Variants in PPP4R3A observed in about 807,000 individuals in gnomAD.
PPP4R3A encodes the protein protein phosphatase 4 regulatory subunit 3A.
In PPP4R3A, 15 loss-of-function variants were observed where a neutral mutation model predicts 91.7. The ratio of observed to expected loss-of-function variants is 0.16; its 90% confidence interval spans 0.11 to 0.25. The LOEUF (loss-of-function observed/expected upper bound fraction) is 0.25. Among genes scored for constraint, PPP4R3A ranks in the 10% least tolerant of loss-of-function variants. PPP4R3A has a pLI of 1.00. For synonymous variants in PPP4R3A, 377 were observed against 348.7 expected (o/e 1.08, Z -0.91); for missense variants, 623 against 998.4 (o/e 0.62, Z 5.07).
chr14:91,493,320 A>G (rs1468119106), intron 1 of PPP4R3A, among the ~76,000 whole-genome samples: 1 of 150,632 alleles, frequency 6.6e-6, no homozygotes, highest in Non-Finnish European at 1.5e-5. Flanking sequence ...CTCAAAAAAA[A>G]AAAAGAAAAA....
intron 1 of PPP4R3A, among the ~76,000 whole-genome samples, chr14:91,494,369 C>G (rs545485034): frequency 6.6e-6 from 1 of 152,010 alleles, no homozygotes; most frequent in Admixed American, 6.6e-5. Context: ...AAAAGAAAGC[C>G]CACAGAATGA....
At chr14:91,480,276 C>G (rs1377521787) in intron 4 of PPP4R3A, among the ~76,000 whole-genome samples, 2 of 152,158 alleles carry the variant, frequency 1.3e-5, no homozygotes, top group African/African-American at 4.8e-5. Context: ...GACAACTTTA[C>G]AGGGTAGGCA....
chr14:91,476,763 C>T (rs1567151967), intron 5 of PPP4R3A, 146 bp downstream of exon 5: 21 of 699,198 alleles, frequency 3.0e-5, no homozygotes, highest in South Asian at 1.4e-4. Context: ...GATGGGGTTT[C>T]GCCATGTTCG....
chr14:91,488,904 C>T (rs941791026), intron 2 of PPP4R3A, among the ~76,000 whole-genome samples: 1 of 123,252 alleles, frequency 8.1e-6, no homozygotes, highest in Non-Finnish European at 1.6e-5. Flanking sequence ...AATATAGATA[C>T]CACTTTTTTT....
At chr14:91,461,721 G>A (rs1888173863) in intron 13 of PPP4R3A, 114 bp from the exon 14 acceptor site, 1 of 1,072,526 alleles carries the variant, frequency 9.3e-7, no homozygotes, top group East Asian at 2.5e-5. Context: ...TAGAAACATT[G>A]AAGTTCAATT....
rs1888241769 is a variant in PPP4R3A at position 91,462,817 on chromosome 14, C to T, written c.1891G>A (p.Val631Ile). 2 of 1,610,740 alleles carry T rather than the reference C, an allele frequency of 1.2e-6. No individual in the cohort carries two copies. Among genetic ancestry groups the T allele is most frequent in the Admixed American group, 1.7e-5 (1 of 59,994 alleles). The change falls in exon 12 of 15, where the codon GTA becomes ATA. Residue 631 changes from valine to isoleucine, a missense_variant. Around this residue, in one of 5 missense-constraint regions of PPP4R3A, gnomAD observed 87 missense variants for 233.9 expected, o/e 0.37. Transcript: ENST00000554943. The stretch of plus-strand genomic sequence containing the variant: ...CCTTTAAATGTCTGTACATAATCTA[C>T]ATCTTCCAGTGCTTTCCAGTAATTT... ...IENYWKALEDVDYVQTFKGLK... is the reference protein window; with the variant it reads ...IENYWKALEDIDYVQTFKGLK...
Position 91,490,807 on chromosome 14 carries a change from G to A in PPP4R3A, c.143-5C>T. 7 of 1,601,296 alleles carry A rather than the reference G, an allele frequency of 4.4e-6. No homozygotes were observed. Among genetic ancestry groups the A allele is most frequent in the Non-Finnish European group, 5.1e-6 (6 of 1,174,592 alleles). On this transcript the variant is annotated splice_polypyrimidine_tract_variant and splice_region_variant and intron_variant, in intron 1 of 14. Coordinates refer to ENST00000554943, the MANE Select transcript of PPP4R3A (RefSeq NM_001366432.2). The stretch of plus-strand genomic sequence containing the variant: ...TCGACTCTAAAAGTAGAGAACCTAG[G>A]AAACAGAAAAAGACATTCCATTATG...
At chr14:91,499,496 G>A (rs780731460) in intron 1 of PPP4R3A, among the ~76,000 whole-genome samples, 1 of 152,048 alleles carries the variant, frequency 6.6e-6, no homozygotes, top group Non-Finnish European at 1.5e-5. Context: ...GGAAAACAAT[G>A]TCAAAAGGAG....
rs141399759 is a variant in PPP4R3A, at chr14:91,509,545, G to A, written c.103C>T (p.Leu35=). The A allele has an allele frequency of 1.3e-5, 20 of 1,599,498 alleles. No homozygotes were observed. The African/African-American group carries it at 2.4e-4, about 19-fold the overall frequency. ...CTGACAAGCAGGGACATGCCCTTCA[G>A]CCGCTCCACGTAGCCAGACGACACA... ...GHVSSGYVER[L]KGMSLLVRAE... The change falls in exon 1 of 15, where the codon CTG becomes TTG. Residue 35 remains leucine, a synonymous_variant. Coordinates refer to ENST00000554943, the MANE Select transcript of PPP4R3A (RefSeq NM_001366432.2).
At chr14:91,502,650 G>A (rs1433946226) in intron 1 of PPP4R3A, among the ~76,000 whole-genome samples, 1 of 152,194 alleles carries the variant, frequency 6.6e-6, no homozygotes, top group Non-Finnish European at 1.5e-5. Flanking sequence ...TGAACATGGA[G>A]TTCTATCAAG....
chr14:91,495,324 G>GTGTGTGTGTGTC (rs1567161629), intron 1 of PPP4R3A, among the ~76,000 whole-genome samples: 1 of 149,614 alleles, frequency 6.7e-6, no homozygotes, highest in Non-Finnish European at 1.5e-5. Flanking sequence ...GTGTGTGTGT[G>GTGTGTGTGTGTC]TATGTTTTTT....
chr14:91,485,591 A>G, intron 3 of PPP4R3A, 41 bp downstream of exon 3: 1 of 1,425,426 alleles, frequency 7.0e-7, no homozygotes. Context: ...AAAACTAAAC[A>G]CTTAAAGAAA....
rs1269149154 is a variant in PPP4R3A at position 91,462,240 on chromosome 14, C to A, written c.1974-1G>T. On this transcript the variant is annotated splice_acceptor_variant, in intron 12 of 14. Coordinates refer to ENST00000554943, the MANE Select transcript of PPP4R3A (RefSeq NM_001366432.2). LOFTEE classifies it high-confidence loss of function. Reference sequence around the variant, plus strand: ...GTGATTCCTCAAAATGGAACGCATACTATGAGTAGGGAAGAAAGAGTAAAT... The same window carrying A: ...GTGATTCCTCAAAATGGAACGCATAATATGAGTAGGGAAGAAAGAGTAAAT... 1.3e-6 allele frequency: 2 copies of A among 1,577,130 alleles called. No homozygotes were observed. Among genetic ancestry groups the A allele is most frequent in the Non-Finnish European group, 1.7e-6 (2 of 1,166,638 alleles).
chr14:91,490,279 TAC>T (rs571552770), intron 2 of PPP4R3A, among the ~76,000 whole-genome samples: 2 of 152,246 alleles, frequency 1.3e-5, no homozygotes, highest in Non-Finnish European at 2.9e-5. Context: ...TACTGTGAAG[TAC>T]AGTTACCTTC....
chr14:91,502,196 C>A (rs1192816568), intron 1 of PPP4R3A, among the ~76,000 whole-genome samples: 1 of 152,054 alleles, frequency 6.6e-6, no homozygotes, highest in Non-Finnish European at 1.5e-5. Flanking sequence ...GAGGTAGGAG[C>A]ATTGCTTGAG....
chr14:91,507,508 A>G (rs1333719788), intron 1 of PPP4R3A, among the ~76,000 whole-genome samples: 2 of 140,066 alleles, frequency 1.4e-5, no homozygotes, highest in Non-Finnish European at 3.0e-5. Context: ...AATATATGCT[A>G]TAATTATATA....
At chr14:91,487,336 CA>C (rs1355078346) in intron 2 of PPP4R3A, among the ~76,000 whole-genome samples, 1 of 150,028 alleles carries the variant, frequency 6.7e-6, no homozygotes, top group East Asian at 2.0e-4. Flanking sequence ...TCAACCATTT[CA>C]AAAAAGGATC....
At chr14:91,469,361 T>TC (rs1888698452) in intron 10 of PPP4R3A, among the ~76,000 whole-genome samples, 1 of 152,162 alleles carries the variant, frequency 6.6e-6, no homozygotes, top group African/African-American at 2.4e-5. Flanking sequence ...CATTCTGCTC[T>TC]CAAATCCCCT....
intron 2 of PPP4R3A, among the ~76,000 whole-genome samples, chr14:91,489,007 A>C (rs1333507285): frequency 1.4e-5 from 2 of 146,268 alleles, no homozygotes; most frequent in Non-Finnish European, 3.0e-5. Flanking sequence ...TCCCAGGTTC[A>C]CGCCATTTTC....
Sources: allele counts gnomAD v4.1 joint callset (sites outside exome capture counted in the v4.1 genomes callset), GRCh38; gene constraint gnomAD v4.1.1; regional missense constraint gnomAD v4.1.1; transcripts MANE v1.5; gene names NCBI Gene and HGNC (gene_info 2026-07-23, HGNC 2026-07-21).